Variants in LGMN observed in about 807,000 individuals in gnomAD.
LGMN encodes legumain.
Under a neutral mutation model 56.8 loss-of-function variants are expected in LGMN, and 36 were observed. The observed-to-expected ratio is 0.63, with a 90% confidence interval of 0.49 to 0.84. LGMN has a LOEUF of 0.84. Among genes scored for constraint, LGMN ranks in the 40% least tolerant of loss-of-function variants. LGMN has a pLI of 0.00. For missense variants in LGMN, 446 were observed against 556.1 expected (o/e 0.80, Z 1.99); for synonymous variants, 199 against 210.1 (o/e 0.95, Z 0.46).
intron 2 of LGMN, 145 bp from the exon 3 acceptor site, chr14:92,718,989 T>C (rs760588519): frequency 5.2e-5 from 30 of 581,876 alleles, no homozygotes; most frequent in Non-Finnish European, 8.5e-5. Context: ...TTAAAACACA[T>C]ACATTGATAT....
In LGMN at chr14:92,709,890, AAGAGAGAGCGAG is replaced by A. The variant is rs771942131; in HGVS notation, c.820-30_820-19del. Reference sequence around the variant, plus strand: ...GAGATTGTCTGGGGAGACAGACAGCAAGAGAGAGCGAGAGAGAAAGCGAGAGAGAGTGAGAGA... The same window carrying A: ...GAGATTGTCTGGGGAGACAGACAGCAAGAGAAAGCGAGAGAGAGTGAGAGA... On this transcript the variant is annotated intron_variant, in intron 10 of 13. Transcript: ENST00000334869. 6.4e-7 allele frequency: 1 copy of A among 1,573,076 alleles called. No homozygotes were observed. Among genetic ancestry groups the A allele is most frequent in the Admixed American group, 1.7e-5 (1 of 57,652 alleles).
At chr14:92,708,662 C>A (rs1432367275) in intron 11 of LGMN, among the ~76,000 whole-genome samples, 5 of 152,032 alleles carry the variant, frequency 3.3e-5, no homozygotes, top group Admixed American at 6.6e-5. Flanking sequence ...TCGAGACCAG[C>A]CTGACCAACA....
At chr14:92,729,978 G>C (rs1315967517) in intron 2 of LGMN, among the ~76,000 whole-genome samples, 1 of 152,182 alleles carries the variant, frequency 6.6e-6, no homozygotes, top group East Asian at 1.9e-4. Context: ...AGGGAAATTA[G>C]CAACACTAAA....
intron 1 of LGMN, among the ~76,000 whole-genome samples, chr14:92,742,277 C>T (rs2140281008): frequency 6.8e-6 from 1 of 146,528 alleles, no homozygotes; most frequent in South Asian, 2.2e-4. Context: ...AAATGTCTTG[C>T]TGTTTTTTGT....
intron 10 of LGMN, among the ~76,000 whole-genome samples, chr14:92,710,666 C>T (rs1889714656): frequency 6.6e-6 from 1 of 152,214 alleles, no homozygotes; most frequent in South Asian, 2.1e-4. Flanking sequence ...GAAGATCCAC[C>T]ACAACTCCTC....
At chr14:92,747,926 A>T (rs1057344218) in intron 1 of LGMN, among the ~76,000 whole-genome samples, 8 of 152,150 alleles carry the variant, frequency 5.3e-5, no homozygotes, top group African/African-American at 1.9e-4. Context: ...GAAACCAGTT[A>T]ACTTTCACTT....
intron 12 of LGMN, among the ~76,000 whole-genome samples, chr14:92,705,358 C>T (rs1429282085): frequency 6.6e-6 from 1 of 151,946 alleles, no homozygotes; most frequent in Non-Finnish European, 1.5e-5. Flanking sequence ...GAAAATTAGC[C>T]AGGTGTGGTG....
chr14:92,727,269 A>G (rs1890786271), intron 2 of LGMN, among the ~76,000 whole-genome samples: 1 of 151,946 alleles, frequency 6.6e-6, no homozygotes, highest in Non-Finnish European at 1.5e-5. Context: ...GTCTCTACTA[A>G]AAATATAAAA....
Position 92,704,305 on chromosome 14 carries a change from C to T in LGMN, c.*14G>A, listed in dbSNP as rs1889307359. ...GGGCGCTCACACTTGGAAAAGCTTC[C>T]AGGAGGCAGCTCTTCAGTAGTGACC... On this transcript the variant is annotated 3_prime_UTR_variant, in exon 14 of 14. Transcript: ENST00000334869. 4.3e-6 allele frequency: 7 copies of T among 1,614,150 alleles called. No individual in the cohort carries two copies. The highest frequency in any genetic ancestry group is 5.9e-6 in the Non-Finnish European group (7 of 1,179,996).
At chr14:92,719,330 C>T (rs1890322482) in intron 2 of LGMN, among the ~76,000 whole-genome samples, 1 of 107,614 alleles carries the variant, frequency 9.3e-6, no homozygotes, top group Admixed American at 8.8e-5. Context: ...GCCGCCACCG[C>T]CACCGCCATC....
At chr14:92,732,917 G>A (rs546130167) in intron 1 of LGMN, 102 bp from the exon 2 acceptor site, 40 of 826,236 alleles carry the variant, frequency 4.8e-5, no homozygotes, top group East Asian at 2.0e-4. Context: ...TTGGGAGGCC[G>A]AGGAGGGTGG....
At chr14:92,719,357 A>ACACCACCAC (rs1179130962) in intron 2 of LGMN, among the ~76,000 whole-genome samples, 6 of 45,670 alleles carry the variant, frequency 1.3e-4, no homozygotes, top group African/African-American at 5.7e-4. Context: ...ACCACCACCA[A>ACACCACCAC]CACCACCACC....
chr14:92,731,307 G>A (rs897498030), intron 2 of LGMN, among the ~76,000 whole-genome samples: 2 of 152,236 alleles, frequency 1.3e-5, no homozygotes, highest in African/African-American at 4.8e-5. Context: ...GCTGTATTGA[G>A]ATAGAGTTCA....
intron 2 of LGMN, 84 bp from the exon 3 acceptor site, chr14:92,718,928 TG>T: frequency 1.2e-6 from 1 of 805,828 alleles, no homozygotes; most frequent in Non-Finnish European, 2.1e-6. Context: ...TTCTGTCTCC[TG>T]GAAGACTTAC....
intron 1 of LGMN, among the ~76,000 whole-genome samples, chr14:92,744,545 A>C (rs757095146): frequency 6.6e-6 from 1 of 150,878 alleles, no homozygotes; most frequent in Non-Finnish European, 1.5e-5. Flanking sequence ...TCAGTTTTAC[A>C]TTTTACAGAG....
intron 1 of LGMN, among the ~76,000 whole-genome samples, chr14:92,739,624 A>G (rs951452629): frequency 6.6e-6 from 1 of 152,188 alleles, no homozygotes; most frequent in Non-Finnish European, 1.5e-5. Flanking sequence ...GATGACAGTG[A>G]TGGACAAAAA....
At chr14:92,726,608 G>C (rs546450877) in intron 2 of LGMN, among the ~76,000 whole-genome samples, 3 of 152,306 alleles carry the variant, frequency 2.0e-5, no homozygotes, top group South Asian at 2.1e-4. Flanking sequence ...TCTGAGTGGA[G>C]AGGTTCTGTC....
rs149794650 is a variant in LGMN at position 92,738,756 on chromosome 14, C to T, written c.-29-5941G>A. Among the ~76,000 whole-genome samples, 16 of 151,844 alleles carry T rather than the reference C, an allele frequency of 1.1e-4. No individual in the cohort carries two copies. The East Asian group carries it at 2.9e-3, about 28-fold the overall frequency. On this transcript the variant is annotated intron_variant, in intron 1 of 13. Transcript: ENST00000334869. ...ACATACATGGCCGGGCACAGTGGCTCATGCCTGTAATCCCAGCACTTTGGG... is the reference window on the plus strand; with the variant it reads ...ACATACATGGCCGGGCACAGTGGCTTATGCCTGTAATCCCAGCACTTTGGG...
chr14:92,710,430 A>G (rs1400546025), intron 10 of LGMN, among the ~76,000 whole-genome samples: 1 of 152,228 alleles, frequency 6.6e-6, no homozygotes, highest in Non-Finnish European at 1.5e-5. Flanking sequence ...GGAAGGGCAG[A>G]GCTAAGGCCA....
Sources: allele counts gnomAD v4.1 joint callset (sites outside exome capture counted in the v4.1 genomes callset), GRCh38; gene constraint gnomAD v4.1.1; transcripts MANE v1.5; gene names NCBI Gene and HGNC (gene_info 2026-07-23, HGNC 2026-07-21).